The following SCCPDH variants were observed in gnomAD, a reference collection of about 807,000 sequenced individuals.
The protein encoded by SCCPDH is saccharopine dehydrogenase (putative), also known as saccharopine dehydrogenase-like oxidoreductase.
A neutral mutation model predicts 51.5 loss-of-function variants in SCCPDH; 34 were observed. The ratio of observed to expected loss-of-function variants is 0.66; its 90% CI spans 0.50 to 0.88. The LOEUF (loss-of-function observed/expected upper bound fraction) is 0.88. Among genes scored for constraint, SCCPDH ranks in the 40% least tolerant of loss-of-function variants. SCCPDH has a pLI of 0.00. For synonymous variants in SCCPDH, 187 were observed against 191.3 expected, an observed-to-expected ratio of 0.98 and a Z score of 0.19; for missense variants, 464 against 527.1, an observed-to-expected ratio of 0.88 and a Z score of 1.17.
chr1:246,741,226 C>A (rs931675885), intron 4 of SCCPDH, among the ~76,000 whole-genome samples: 1 of 151,924 alleles, frequency 6.6e-6, no homozygotes, highest in African/African-American at 2.4e-5. Flanking sequence ...ACTATGAAAC[C>A]AAAGTCCAAC....
chr1:246,754,167 A>T (rs541543828), intron 5 of SCCPDH, among the ~76,000 whole-genome samples: 3 of 152,124 alleles, frequency 2.0e-5, no homozygotes, highest in Admixed American at 6.5e-5. Flanking sequence ...CCACCGAGGA[A>T]ACGCTTGGCT....
At position 246,760,323 on chromosome 1, in the gene SCCPDH, C is replaced by T. The variant is rs1002434404; in HGVS notation, c.990+96C>T. 6.0e-5 allele frequency: 58 copies of T among 969,200 alleles called. No homozygotes were observed. The African/African-American group carries it at 9.2e-4, about 15-fold the overall frequency. The allele number at this position is 969,200 out of a possible 1,614,324, so 60.0% of individuals were successfully genotyped here. ...GACAGGGCACTATGTTTCAGATACT[C>T]TTTTAAGTTCTTTATGTAAATTAGA... On this transcript the variant is annotated intron_variant, in intron 9 of 11. Coordinates refer to ENST00000366510, the MANE Select transcript of SCCPDH (RefSeq NM_016002.3).
At chr1:246,728,532 A>G (rs1050413685) in intron 2 of SCCPDH, among the ~76,000 whole-genome samples, 3 of 152,224 alleles carry the variant, frequency 2.0e-5, no homozygotes, top group Admixed American at 6.5e-5. Flanking sequence ...TGTGTTTACA[A>G]ACGTTGTGTG....
In SCCPDH at chr1:246,740,194, A is replaced by C; in HGVS notation, c.407A>C (p.Lys136Thr). 6.3e-7 allele frequency: 1 copy of C among 1,599,170 alleles called. No individual in the cohort carries two copies. Among genetic ancestry groups the C allele is most frequent in the Non-Finnish European group, 8.5e-7 (1 of 1,170,308 alleles). Residue 136 changes from lysine to threonine, a missense_variant, in exon 4 of 12, where the codon AAG becomes ACG. By Grantham distance (78) the Lys-to-Thr change is moderately conservative. Transcript: ENST00000366510. Reference sequence around the variant, plus strand: ...TAGTTTCTGGAACTAATGCAACTGAAGTATCATGAGAAAGCTGCAGACAAA... The same window carrying C: ...TAGTTTCTGGAACTAATGCAACTGACGTATCATGAGAAAGCTGCAGACAAA... ...EPQFLELMQL[K>T]YHEKAADKGV... is the part of the protein sequence containing the mutation.
chr1:246,736,032 A>G lies in SCCPDH; in HGVS notation c.361A>G (p.Ile121Val). 1.2e-6 allele frequency: 2 copies of G among 1,612,318 alleles called. No homozygotes were observed. Among genetic ancestry groups the G allele is most frequent in the Non-Finnish European group, 1.7e-6 (2 of 1,178,510 alleles). Reference sequence around the variant, plus strand: ...ATGTATTGAAAATGGAGCCAGTTGTATCGACATCAGTGGAGAACCTCAGGT... The same window carrying G: ...ATGTATTGAAAATGGAGCCAGTTGTGTCGACATCAGTGGAGAACCTCAGGT... ...KACIENGASC[I>V]DISGEPQFLE... The change falls in exon 3 of 12, where the codon ATC becomes GTC. Residue 121 changes from isoleucine to valine, a missense_variant. Physicochemically the swap from Ile to Val is conservative, Grantham distance 29. Coordinates refer to ENST00000366510, the MANE Select transcript of SCCPDH (RefSeq NM_016002.3).
intron 2 of SCCPDH, among the ~76,000 whole-genome samples, chr1:246,729,218 G>A (rs1444453308): frequency 2.6e-5 from 4 of 152,208 alleles, no homozygotes; most frequent in African/African-American, 4.8e-5. Flanking sequence ...CGCTGGGCAC[G>A]CACTGTCATT....
chr1:246,731,609 A>C (rs1459962944), intron 2 of SCCPDH, among the ~76,000 whole-genome samples: 1 of 152,224 alleles, frequency 6.6e-6, no homozygotes, highest in Non-Finnish European at 1.5e-5. Context: ...GGAATTTAGA[A>C]CTGCTGGAAC....
intron 2 of SCCPDH, among the ~76,000 whole-genome samples, chr1:246,729,637 A>G (rs560634668): frequency 6.6e-6 from 1 of 152,300 alleles, no homozygotes; most frequent in Non-Finnish European, 1.5e-5. Flanking sequence ...CATGTTTTAC[A>G]GTTTGTACGG....
intron 3 of SCCPDH, 133 bp downstream of exon 3, chr1:246,736,188 C>T (rs1270263577): frequency 4.8e-6 from 3 of 624,118 alleles, no homozygotes; most frequent in South Asian, 1.9e-5. Flanking sequence ...ATATGGTATT[C>T]GTGTGGTATT....
intron 2 of SCCPDH, among the ~76,000 whole-genome samples, chr1:246,727,917 CG>C (rs1558165609): frequency 1.3e-5 from 2 of 151,920 alleles, no homozygotes; most frequent in Non-Finnish European, 2.9e-5. Context: ...GACCAAGAGG[CG>C]TTGAATGGTT....
intron 5 of SCCPDH, among the ~76,000 whole-genome samples, chr1:246,744,378 G>A (rs937496536): frequency 2.6e-4 from 40 of 152,084 alleles, no homozygotes; most frequent in African/African-American, 9.7e-4. Context: ...GAGTGCAATG[G>A]CATGATCTCG....
intron 2 of SCCPDH, among the ~76,000 whole-genome samples, chr1:246,729,967 A>T (rs2102979902): frequency 6.6e-6 from 1 of 152,196 alleles, no homozygotes; most frequent in East Asian, 1.9e-4. Context: ...ATTACACATT[A>T]TCTTGTTATC....
At chr1:246,730,245 C>A (rs190594976) in intron 2 of SCCPDH, among the ~76,000 whole-genome samples, 18 of 152,284 alleles carry the variant, frequency 1.2e-4, no homozygotes, top group Admixed American at 1.2e-3. Flanking sequence ...CTGTCAAATC[C>A]AGTCTTCATC....
At chr1:246,757,672 T>C (rs1372708710) in intron 5 of SCCPDH, among the ~76,000 whole-genome samples, 1 of 152,188 alleles carries the variant, frequency 6.6e-6, no homozygotes, top group Non-Finnish European at 1.5e-5. Flanking sequence ...TAAACAATTA[T>C]TTTACTAAGA....
At chr1:246,751,638 T>A (rs3007324) in intron 5 of SCCPDH, among the ~76,000 whole-genome samples, 44,276 of 152,170 alleles carry the variant, frequency 0.29, 8,022 homozygotes, top group South Asian at 0.41. Context: ...TTTTATAACA[T>A]TTTTCACGAC....
intron 5 of SCCPDH, among the ~76,000 whole-genome samples, chr1:246,754,537 C>T (rs1165070180): frequency 2.0e-5 from 3 of 152,218 alleles, no homozygotes; most frequent in East Asian, 1.9e-4. Flanking sequence ...CCCTCAGACA[C>T]CAAGTTAAAG....
intron 9 of SCCPDH, among the ~76,000 whole-genome samples, chr1:246,760,639 G>A (rs1014449299): frequency 4.6e-5 from 7 of 152,046 alleles, no homozygotes; most frequent in Admixed American, 2.6e-4. Flanking sequence ...GGATTCCGAC[G>A]GGGGATCAAG....
In SCCPDH at chr1:246,760,051, G is replaced by A; in HGVS notation, c.908G>A (p.Gly303Glu). Residue 303 changes from glycine (G) to glutamate (E), a missense_variant, in exon 8 of 12, where the codon GGA (glycine) becomes GAA (glutamate). Transcript: ENST00000366510. ...TTCTTTTTGTTCTTTGTGAGGTTTGGAATTGGAAGGCAACTTCTCATAAAA... is the reference window on the plus strand; with the variant it reads ...TTCTTTTTGTTCTTTGTGAGGTTTGAAATTGGAAGGCAACTTCTCATAAAA... ...GLFFLFFVRF[G>E]IGRQLLIKFP... The A allele has an allele frequency of 6.2e-7, 1 of 1,612,934 alleles. No individual in the cohort carries two copies. Among genetic ancestry groups the A allele is most frequent in the East Asian group, 2.2e-5 (1 of 44,828 alleles).
chr1:246,729,527 G>A (rs1044895888), intron 2 of SCCPDH, among the ~76,000 whole-genome samples: 4 of 152,160 alleles, frequency 2.6e-5, no homozygotes, highest in South Asian at 2.1e-4. Context: ...GCCCAGTCGC[G>A]CAGGCAGTCA....
Sources: allele counts gnomAD v4.1 joint callset (sites outside exome capture counted in the v4.1 genomes callset), GRCh38; gene constraint gnomAD v4.1.1; transcripts MANE v1.5; gene names NCBI Gene and HGNC (gene_info 2026-07-23, HGNC 2026-07-21).